NUP98: variants seen among roughly 807,000 people sequenced by gnomAD.
NUP98 encodes nuclear pore complex protein Nup98-Nup96.
NUP98 carries 26 observed loss-of-function variants against 191.9 expected under a neutral mutation model. That is an observed-to-expected ratio of 0.14 (90% CI 0.10 to 0.19). The LOEUF (loss-of-function observed/expected upper bound fraction) is 0.19. NUP98 is among the 10% of genes least tolerant of loss of function. The pLI is 1.00. For missense variants in NUP98, 1,941 were observed against 2,178.8 expected (o/e 0.89, Z 2.17); for synonymous variants, 808 against 778.4 (o/e 1.04, Z -0.63).
chr11:3,787,040 C>T (rs969983609), intron 1 of NUP98, among the ~76,000 whole-genome samples: 1 of 152,204 alleles, frequency 6.6e-6, no homozygotes, highest in African/African-American at 2.4e-5. Flanking sequence ...ATCCTCTCAT[C>T]TAACCTTCAC....
At chr11:3,724,660 G>A (rs1315127812) in intron 15 of NUP98, among the ~76,000 whole-genome samples, 1 of 151,132 alleles carries the variant, frequency 6.6e-6, no homozygotes, top group Non-Finnish European at 1.5e-5. Flanking sequence ...AGGCATGGTG[G>A]CGGGTGCCTG....
Position 3,676,004 on chromosome 11 carries a change from C to G in NUP98, c.*155G>C. Reference sequence around the variant, plus strand: ...TGCTACGTTCAGTATTAAGAAAAGCCCTGAACAAGTGGAGGATGCTGCTTC... The same window carrying G: ...TGCTACGTTCAGTATTAAGAAAAGCGCTGAACAAGTGGAGGATGCTGCTTC... On this transcript the variant is annotated 3_prime_UTR_variant, in exon 33 of 33. Coordinates refer to ENST00000324932, the MANE Select transcript of NUP98 (RefSeq NM_016320.5). 1.5e-6 allele frequency: 1 copy of G among 666,730 alleles called. No individual in the cohort carries two copies. 41.3% of individuals were successfully genotyped at this position (666,730 alleles called of 1,614,324 possible). A position where few individuals can be genotyped will look rare whatever the true frequency, so the allele number is the denominator to read the frequency against.
chr11:3,695,412 A>C (rs1037693825), intron 26 of NUP98, 37 bp downstream of exon 26: 1 of 1,475,658 alleles, frequency 6.8e-7, no homozygotes, highest in African/African-American at 1.4e-5. Context: ...TTTATGAAAA[A>C]ACCAATGTGA....
At chr11:3,736,348 C>T (rs117833762) in intron 12 of NUP98, among the ~76,000 whole-genome samples, 27 of 152,182 alleles carry the variant, frequency 1.8e-4, no homozygotes, top group Admixed American at 2.0e-4. Flanking sequence ...AAACAACCTA[C>T]GTGTCCAATA....
At chr11:3,680,568 G>A (rs1268985942) in intron 30 of NUP98, among the ~76,000 whole-genome samples, 1 of 151,980 alleles carries the variant, frequency 6.6e-6, no homozygotes, top group African/African-American at 2.4e-5. Context: ...TTTTGTTGGG[G>A]TCTCACTCTC....
chr11:3,778,091 C>A (rs912800122), intron 4 of NUP98, among the ~76,000 whole-genome samples: 2 of 147,212 alleles, frequency 1.4e-5, no homozygotes, highest in Non-Finnish European at 3.0e-5. Context: ...CCCAGCTACT[C>A]GGGAGGCTGA....
chr11:3,789,602 A>C (rs1423353033), intron 1 of NUP98, among the ~76,000 whole-genome samples: 1 of 139,888 alleles, frequency 7.1e-6, no homozygotes, highest in Non-Finnish European at 1.5e-5. Context: ...TGCAGCCTGG[A>C]CCTCCTGGGT....
rs760080106 is a variant in NUP98 at position 3,693,226 on chromosome 11, A to T, written c.4311+6T>A. 9 of 1,613,880 alleles carry T rather than the reference A, an allele frequency of 5.6e-6. No individual in the cohort carries two copies. The African/African-American group carries it at 6.7e-5, about 12-fold the overall frequency. On this transcript the variant is annotated splice_donor_region_variant and intron_variant, in intron 27 of 32. Transcript: ENST00000324932. ...ATTTTTGCTTGGCTCTATTGGCCACATATACCTGAAATGCTTCTTCATACA... is the reference window on the plus strand; with the variant it reads ...ATTTTTGCTTGGCTCTATTGGCCACTTATACCTGAAATGCTTCTTCATACA...
chr11:3,721,998 G>A (rs1015353587), intron 16 of NUP98, among the ~76,000 whole-genome samples: 3 of 151,416 alleles, frequency 2.0e-5, no homozygotes, highest in African/African-American at 7.3e-5. Flanking sequence ...AGCAAACAAG[G>A]TAAATGAAAA....
rs1216692610 is a variant in NUP98, at chr11:3,723,293, G to A, written c.2010C>T (p.Thr670=). The A allele has an allele frequency of 1.9e-6, 3 of 1,614,090 alleles. No individual in the cohort carries two copies. The highest frequency in any genetic ancestry group is 4.5e-5 in the East Asian group (2 of 44,864). The part of the protein sequence containing the change: ...KHSNSNSVDD[T]IVALNMRAAL... ...CAGCACGCATGTTTAATGCAACAATGGTATCATCCACACTGTTGCTGTTGC... is the reference window on the plus strand; with the variant it reads ...CAGCACGCATGTTTAATGCAACAATAGTATCATCCACACTGTTGCTGTTGC... The change falls in exon 16 of 33, where the codon ACC becomes ACT. Residue 670 remains threonine, a synonymous_variant. Coordinates refer to ENST00000324932, the MANE Select transcript of NUP98 (RefSeq NM_016320.5).
chr11:3,746,299 G>C (rs2080498601), intron 11 of NUP98, among the ~76,000 whole-genome samples: 1 of 109,116 alleles, frequency 9.2e-6, no homozygotes, highest in African/African-American at 4.3e-5. Context: ...AAAAAAGACA[G>C]CTTTGGGACA....
chr11:3,735,063 T>C, intron 13 of NUP98, 128 bp downstream of exon 13: 7 of 840,212 alleles, frequency 8.3e-6, no homozygotes, highest in Non-Finnish European at 1.2e-5. Flanking sequence ...AGTGAAATAA[T>C]ATCTTAAAAA....
intron 20 of NUP98, among the ~76,000 whole-genome samples, chr11:3,707,918 T>C (rs1400497931): frequency 1.3e-5 from 2 of 151,676 alleles, no homozygotes; most frequent in Admixed American, 1.3e-4. Context: ...CTGGTCAACA[T>C]GAAGAAACCC....
At chr11:3,762,856 C>G (rs745640814) in intron 9 of NUP98, 46 bp downstream of exon 9, 1 of 1,588,762 alleles carries the variant, frequency 6.3e-7, no homozygotes, top group South Asian at 1.1e-5. Context: ...TTCCTTTTAA[C>G]AAATTTACAC....
chr11:3,796,966 G>A (rs1015154113), intron 1 of NUP98, among the ~76,000 whole-genome samples: 4 of 152,182 alleles, frequency 2.6e-5, no homozygotes, highest in Non-Finnish European at 5.9e-5. Context: ...CCTAATCCTC[G>A]GGGTGCCCAC....
At chr11:3,702,311 ACACTCTCTCTCTCTCTCTCT>A (rs1416866768) in intron 23 of NUP98, 132 bp downstream of exon 23, 105 of 424,064 alleles carry the variant, frequency 2.5e-4, no homozygotes, top group African/African-American at 1.4e-3. Flanking sequence ...ACACACACAC[ACACTCTCTCTCTCTCTCTCT>A]CTCTCTCTCT....
At chr11:3,796,136 C>G (rs1242119824) in intron 1 of NUP98, among the ~76,000 whole-genome samples, 2 of 152,166 alleles carry the variant, frequency 1.3e-5, no homozygotes. Flanking sequence ...AGGGAATGAT[C>G]ACTGCTCTCT....
chr11:3,779,407 C>T (rs1191105543), intron 2 of NUP98, 150 bp from the exon 3 acceptor site: 13 of 677,600 alleles, frequency 1.9e-5, no homozygotes, highest in Admixed American at 5.0e-5. Flanking sequence ...TTTGGGAGGC[C>T]GAGGCGGGCG....
chr11:3,722,849 T>C (rs7124090), intron 16 of NUP98, among the ~76,000 whole-genome samples: 15,559 of 151,906 alleles, frequency 0.1, 1,689 homozygotes, highest in African/African-American at 0.27. Flanking sequence ...CAATAAGCAA[T>C]CTATCCGAGT....
Sources: gnomAD v4.1 joint callset for allele counts (sites outside exome capture counted in the v4.1 genomes callset) on GRCh38, gnomAD v4.1.1 for gene constraint, MANE v1.5 for transcripts, NCBI Gene and HGNC (gene_info 2026-07-23, HGNC 2026-07-21) for gene names.